Variants in CDYL observed in about 807,000 individuals in gnomAD.
CDYL encodes chromodomain Y-like protein.
In CDYL, 8 loss-of-function variants were observed where a neutral mutation model predicts 47.3. The observed-to-expected ratio is 0.17, with a 90% confidence interval of 0.10 to 0.31. CDYL has a LOEUF of 0.31. Ranked by LOEUF, CDYL falls within the 10% of genes least tolerant of loss-of-function variation. The pLI, the probability that CDYL is intolerant of heterozygous loss-of-function variation, is 1.00. For missense variants in CDYL, 471 were observed against 701.4 expected (o/e 0.67, Z 3.71); for synonymous variants, 266 against 265.0 (o/e 1.00, Z -0.04).
chr6:4,723,389 G>C (rs1582280303), intron 2 of CDYL, among the ~76,000 whole-genome samples: 1 of 152,028 alleles, frequency 6.6e-6, no homozygotes, highest in African/African-American at 2.4e-5. Context: ...ATCAGTCAGG[G>C]TCCAGGCAGG....
chr6:4,727,278 A>C (rs1031134596), intron 2 of CDYL, among the ~76,000 whole-genome samples: 1 of 152,118 alleles, frequency 6.6e-6, no homozygotes, highest in Non-Finnish European at 1.5e-5. Context: ...AAGTAATGAC[A>C]GTTTGTCCAA....
intron 1 of CDYL, among the ~76,000 whole-genome samples, chr6:4,835,222 A>T (rs1760263656): frequency 1.3e-5 from 2 of 151,966 alleles, no homozygotes; most frequent in African/African-American, 4.8e-5. Context: ...TTGGACTTTG[A>T]TGATGGTGAT....
At chr6:4,900,779 G>GTGTGTGTGTGTGTATATATATATATA in intron 2 of CDYL, among the ~76,000 whole-genome samples, 1 of 51,706 alleles carries the variant, frequency 1.9e-5, no homozygotes, top group African/African-American at 6.3e-5. Flanking sequence ...GTATACGTGT[G>GTGTGTGTGTGTGTATATATATATATA]TATATATATA....
At chr6:4,819,315 C>G (rs1316924004) in intron 1 of CDYL, among the ~76,000 whole-genome samples, 1 of 151,820 alleles carries the variant, frequency 6.6e-6, no homozygotes, top group African/African-American at 2.4e-5. Context: ...TCATACTCAA[C>G]TCATAGAAGT....
chr6:4,767,228 G>A (rs191272663), intron 3 of CDYL, among the ~76,000 whole-genome samples: 5 of 151,680 alleles, frequency 3.3e-5, no homozygotes, highest in Non-Finnish European at 2.9e-5. Context: ...GATCATTTCA[G>A]TAGATGACAA....
At chr6:4,714,235 C>T (rs1279859088) in intron 1 of CDYL, 1 of 152,064 alleles carries the variant, frequency 6.6e-6, no homozygotes, top group Non-Finnish European at 1.5e-5. Flanking sequence ...GGTATTTACA[C>T]CTGACACTAA....
At chr6:4,872,415 C>G (rs1761502323) in intron 1 of CDYL, among the ~76,000 whole-genome samples, 1 of 149,208 alleles carries the variant, frequency 6.7e-6, no homozygotes, top group South Asian at 2.1e-4. Context: ...GGTTTTTACA[C>G]TTGTTGCCCA....
intron 1 of CDYL, among the ~76,000 whole-genome samples, chr6:4,882,512 G>C (rs1761790975): frequency 6.6e-6 from 1 of 152,210 alleles, no homozygotes; most frequent in South Asian, 2.1e-4. Flanking sequence ...AGTTAAAGGA[G>C]AGAAATTGAT....
intron 3 of CDYL, among the ~76,000 whole-genome samples, chr6:4,754,559 T>G (rs1397308644): frequency 1.3e-5 from 2 of 152,232 alleles, no homozygotes; most frequent in African/African-American, 4.8e-5. Context: ...GCTCTCTGAG[T>G]ATATTAAACA....
At chr6:4,815,306 A>G (rs1362567187) in intron 1 of CDYL, among the ~76,000 whole-genome samples, 2 of 152,222 alleles carry the variant, frequency 1.3e-5, no homozygotes, top group Non-Finnish European at 1.5e-5. Context: ...AAATATAGCT[A>G]TAAGCCTTTT....
chr6:4,856,315 G>A (rs182221222), intron 1 of CDYL, among the ~76,000 whole-genome samples: 159 of 152,358 alleles, frequency 1.0e-3, no homozygotes, highest in Non-Finnish European at 1.8e-3. Context: ...GGTTGTTGGT[G>A]TCACTGAAAA....
At chr6:4,859,668 G>C (rs1337842056) in intron 1 of CDYL, among the ~76,000 whole-genome samples, 1 of 152,130 alleles carries the variant, frequency 6.6e-6, no homozygotes, top group Non-Finnish European at 1.5e-5. Flanking sequence ...GCCTTACTTA[G>C]GAGATAATTC....
At chr6:4,734,957 C>T in intron 3 of CDYL, 1 of 1,483,494 alleles carries the variant, frequency 6.7e-7, no homozygotes, top group East Asian at 2.4e-5. Context: ...GTGCTTGGGT[C>T]CCTTTGGTGG....
At chr6:4,887,037 T>C (rs1159919080) in intron 1 of CDYL, among the ~76,000 whole-genome samples, 1 of 152,234 alleles carries the variant, frequency 6.6e-6, no homozygotes, top group Non-Finnish European at 1.5e-5. Context: ...GAGCCTTCTA[T>C]TCCATTAGGC....
chr6:4,713,093 C>T (rs925323679), intron 1 of CDYL, among the ~76,000 whole-genome samples: 4 of 152,142 alleles, frequency 2.6e-5, no homozygotes, highest in East Asian at 1.9e-4. Context: ...TGCAGTGAGC[C>T]GTGACCACAT....
chr6:4,950,113 G>T (rs143110567), intron 5 of CDYL, among the ~76,000 whole-genome samples: 4 of 152,308 alleles, frequency 2.6e-5, no homozygotes, highest in East Asian at 1.9e-4. Context: ...GTCAACAAAG[G>T]GGGGACGAAA....
In CDYL at chr6:4,776,691, C is replaced by A. The variant is rs1758461322; in HGVS notation, c.-93C>A. The A allele has an allele frequency of 1.7e-6, 2 of 1,169,462 alleles. No homozygotes were observed. The highest frequency in any genetic ancestry group is 1.1e-6 in the Non-Finnish European group (1 of 900,670). 72.4% of individuals were successfully genotyped at this position (1,169,462 alleles called of 1,614,324 possible). ...CGGCCGCGGGAGCAGGAAGCGCAGG[C>A]CACGCAGGACCCAACTGAAACAAAG... On this transcript the variant is annotated 5_prime_UTR_variant, in exon 1 of 7. Coordinates refer to ENST00000397588, the MANE Select transcript of CDYL (RefSeq NM_004824.4).
chr6:4,778,095 T>C (rs1318024792), intron 1 of CDYL, among the ~76,000 whole-genome samples: 1 of 152,124 alleles, frequency 6.6e-6, no homozygotes, highest in African/African-American at 2.4e-5. Context: ...CTCAGGAGCT[T>C]TCCTTCTAGG....
chr6:4,818,610 C>T (rs1407031737), intron 1 of CDYL, among the ~76,000 whole-genome samples: 1 of 152,158 alleles, frequency 6.6e-6, no homozygotes, highest in Non-Finnish European at 1.5e-5. Flanking sequence ...AGCAAATGGA[C>T]ATTTCTCTTG....
Sources: gnomAD v4.1 joint callset for allele counts (sites outside exome capture counted in the v4.1 genomes callset) on GRCh38, gnomAD v4.1.1 for gene constraint, MANE v1.5 for transcripts, NCBI Gene and HGNC (gene_info 2026-07-23, HGNC 2026-07-21) for gene names.